Variants in HTR1E observed in about 807,000 individuals in gnomAD.
HTR1E encodes the protein 5-HT-1E.
In HTR1E, 3 loss-of-function variants were observed where a neutral mutation model predicts 3.4. The observed-to-expected ratio is 0.89, with a 90% CI of 0.41 to 2.31. The LOEUF is 2.31. Among genes scored for constraint, HTR1E ranks in the 30% most tolerant of loss-of-function variants. The pLI is 0.05. For missense variants in HTR1E, 392 were observed against 467.0 expected, an observed-to-expected ratio of 0.84 and a Z score of 1.48; for synonymous variants, 170 against 182.8, an observed-to-expected ratio of 0.93 and a Z score of 0.56.
Position 86,961,440 on chromosome 6 carries a change from T to C in HTR1E, c.-186+23617T>C, listed in dbSNP as rs73753616. Among the ~76,000 whole-genome samples the C allele has an allele frequency of 8.1e-3, 1,241 of 152,346 alleles. 16 individuals are homozygous for C. The highest frequency in any genetic ancestry group is 0.028 in the African/African-American group (1,166 of 41,582). On this transcript the variant is annotated intron_variant, in intron 1 of 1. Coordinates refer to ENST00000305344, the MANE Select transcript of HTR1E (RefSeq NM_000865.3). ...ACATCCCATTTGAATGACACTAAAA[T>C]GTATAAAATCAATTATATGAGTTTA...
rs1318341562 is a variant in HTR1E at position 87,015,321 on chromosome 6, G to A, written c.-14G>A. 1 of 1,530,988 alleles carries A rather than the reference G, an allele frequency of 6.5e-7. No individual in the cohort carries two copies. 94.8% of individuals were successfully genotyped at this position (1,530,988 alleles called of 1,614,324 possible). A position where few individuals can be genotyped will look rare whatever the true frequency, so the allele number is the denominator to read the frequency against. On this transcript the variant is annotated 5_prime_UTR_variant, in exon 2 of 2. Transcript: ENST00000305344. ...CAACAGCTTCTCCACAGTGTAGACT[G>A]AAACAAGGGAAACATGAACATCACA... is the stretch of plus-strand genomic sequence containing the variant.
At chr6:86,988,631 T>C (rs1355359529) in intron 1 of HTR1E, among the ~76,000 whole-genome samples, 1 of 152,126 alleles carries the variant, frequency 6.6e-6, no homozygotes. Flanking sequence ...AGTATTATCT[T>C]TATCATAATA....
intron 1 of HTR1E, among the ~76,000 whole-genome samples, chr6:86,984,035 T>C (rs1231369504): frequency 6.6e-6 from 1 of 152,140 alleles, no homozygotes; most frequent in Non-Finnish European, 1.5e-5. Context: ...ATATTTACAT[T>C]TATTTTTGGA....
intron 1 of HTR1E, among the ~76,000 whole-genome samples, chr6:87,010,560 C>G (rs1270227657): frequency 7.0e-6 from 1 of 143,632 alleles, no homozygotes; most frequent in Non-Finnish European, 1.5e-5. Context: ...GGCGGCCGGG[C>G]AGAGACGCTC....
intron 1 of HTR1E, among the ~76,000 whole-genome samples, chr6:86,975,450 T>C (rs977146302): frequency 6.6e-6 from 1 of 152,110 alleles, no homozygotes; most frequent in South Asian, 2.1e-4. Context: ...CTGAAACCCA[T>C]GTTCAAGTCA....
chr6:86,985,351 A>C (rs1471176013), intron 1 of HTR1E, among the ~76,000 whole-genome samples: 1 of 152,196 alleles, frequency 6.6e-6, no homozygotes, highest in Non-Finnish European at 1.5e-5. Context: ...CATCAAAATA[A>C]AGGTAAGAAC....
chr6:87,013,308 A>G (rs1478455334), intron 1 of HTR1E, among the ~76,000 whole-genome samples: 3 of 152,220 alleles, frequency 2.0e-5, no homozygotes, highest in South Asian at 2.1e-4. Flanking sequence ...GGAGCAGCGT[A>G]CACTAACCAG....
intron 1 of HTR1E, among the ~76,000 whole-genome samples, chr6:86,997,874 A>G (rs56044621): frequency 0.18 from 27,713 of 151,708 alleles, 3,243 homozygotes; most frequent in African/African-American, 0.32. Context: ...TAAAGATATA[A>G]ATAGGTTAGA....
chr6:86,943,945 A>G (rs1768580978), intron 1 of HTR1E, among the ~76,000 whole-genome samples: 1 of 152,158 alleles, frequency 6.6e-6, no homozygotes, highest in African/African-American at 2.4e-5. Context: ...ACAGGCTGCA[A>G]AGTTTCAGCC....
At chr6:86,988,455 T>C (rs1361417756) in intron 1 of HTR1E, among the ~76,000 whole-genome samples, 2 of 152,128 alleles carry the variant, frequency 1.3e-5, no homozygotes, top group African/African-American at 4.8e-5. Flanking sequence ...ATGAACATTT[T>C]CTTACAGCAA....
At chr6:86,958,937 C>CGTGT (rs55871033) in intron 1 of HTR1E, among the ~76,000 whole-genome samples, 4,022 of 140,016 alleles carry the variant, frequency 0.029, 74 homozygotes, top group African/African-American at 0.05. Context: ...ACCAATTGCA[C>CGTGT]GTGTGTGTGT....
chr6:86,979,951 G>T lies in HTR1E; in HGVS notation c.-185-35199G>T, dbSNP rs527442684. On this transcript the variant is annotated intron_variant, in intron 1 of 1. Transcript: ENST00000305344. ...GGTCCACCTGCAGCACCACAGGAAA[G>T]GAGCCCCGGAAATAAATACCCCATT... Among the ~76,000 whole-genome samples, 220 of 152,214 alleles carry T rather than the reference G, an allele frequency of 1.4e-3. 1 individual carries two copies. Among genetic ancestry groups the T allele is most frequent in the Middle Eastern group, 6.8e-3 (2 of 294 alleles).
At chr6:87,004,412 T>C (rs1002170663) in intron 1 of HTR1E, among the ~76,000 whole-genome samples, 3 of 152,226 alleles carry the variant, frequency 2.0e-5, no homozygotes, top group African/African-American at 7.2e-5. Context: ...AAGTGGGATT[T>C]ATCCCTGGGA....
At chr6:86,944,765 CA>C (rs968369372) in intron 1 of HTR1E, among the ~76,000 whole-genome samples, 16 of 152,294 alleles carry the variant, frequency 1.1e-4, no homozygotes, top group Admixed American at 3.3e-4. Flanking sequence ...AGTGGTCCCA[CA>C]AATTATAATG....
At position 86,995,441 on chromosome 6, in the gene HTR1E, G is replaced by A. The variant is rs531393274; in HGVS notation, c.-185-19709G>A. Among the ~76,000 whole-genome samples, 98 of 151,546 alleles carry A rather than the reference G, an allele frequency of 6.5e-4. 1 individual carries two copies. In the South Asian group the frequency reaches 0.011, roughly 17 times the overall value. On this transcript the variant is annotated intron_variant, in intron 1 of 1. Transcript: ENST00000305344. ...AGCACTTTGGGAGGTCGAGGTGGGC[G>A]GATCACCTGAGGTCAGGAGTTCAAG...
At position 86,995,179 on chromosome 6, in the gene HTR1E, C is replaced by A. The variant is rs563041942; in HGVS notation, c.-185-19971C>A. Among the ~76,000 whole-genome samples the A allele has an allele frequency of 1.3e-4, 20 of 151,968 alleles. No homozygotes were observed. In the South Asian group the frequency reaches 4.2e-3, roughly 32 times the overall value. ...AAAGGTCTACATACCGACCCGGAGC[C>A]GTGGCTCACACCTATAATCCCAGCA... On this transcript the variant is annotated intron_variant, in intron 1 of 1. Transcript: ENST00000305344.
chr6:87,016,360 G>A lies in HTR1E; in HGVS notation c.1026G>A (p.Leu342=). The A allele has an allele frequency of 6.2e-7, 1 of 1,614,058 alleles. No homozygotes were observed. The highest frequency in any genetic ancestry group is 1.1e-5 in the South Asian group (1 of 91,080). Reference sequence around the variant, plus strand: ...ATGTGAATTCTCTGATCAACCCTCTGCTCTATACGAGTTTTAATGAAGACT... The same window carrying A: ...ATGTGAATTCTCTGATCAACCCTCTACTCTATACGAGTTTTAATGAAGACT... ...LGYVNSLINP[L]LYTSFNEDFK... The change falls in exon 2 of 2, where the codon CTG becomes CTA. Residue 342 remains leucine (L), a synonymous_variant. Transcript: ENST00000305344.
At chr6:86,978,066 G>T (rs1301136431) in intron 1 of HTR1E, among the ~76,000 whole-genome samples, 2 of 152,090 alleles carry the variant, frequency 1.3e-5, no homozygotes, top group African/African-American at 2.4e-5. Flanking sequence ...AGTTTAATTA[G>T]CAGATCTTTT....
chr6:87,009,673 G>A (rs1207319829), intron 1 of HTR1E, among the ~76,000 whole-genome samples: 7 of 146,634 alleles, frequency 4.8e-5, no homozygotes, highest in South Asian at 4.4e-4. Flanking sequence ...CGGACGGGGC[G>A]GCTGGCCGGG....
Sources: gnomAD v4.1 joint callset for allele counts (sites outside exome capture counted in the v4.1 genomes callset) on GRCh38, gnomAD v4.1.1 for gene constraint, MANE v1.5 for transcripts, NCBI Gene and HGNC (gene_info 2026-07-23, HGNC 2026-07-21) for gene names.